The following DAB1 variants were observed in gnomAD, a reference collection of about 807,000 sequenced individuals.
DAB1 encodes the protein DAB adaptor protein 1.
In DAB1, 15 loss-of-function variants were observed where a neutral mutation model predicts 64.6. That is an observed-to-expected ratio of 0.23 (90% CI 0.16 to 0.36). The LOEUF (loss-of-function observed/expected upper bound fraction) is 0.36, where lower values mean the gene tolerates loss of function less well. Among genes scored for constraint, DAB1 ranks in the 10% least tolerant of loss-of-function variants. The probability of loss-of-function intolerance (pLI) is 1.00; values close to 1 mark genes in which losing one functional copy is unlikely to be tolerated. For missense variants in DAB1, 596 were observed against 706.7 expected, an observed-to-expected ratio of 0.84 and a Z score of 1.78; for synonymous variants, 235 against 251.9, an observed-to-expected ratio of 0.93 and a Z score of 0.64.
At chr1:57,478,217 G>A (rs2101228551) in intron 7 of DAB1, among the ~76,000 whole-genome samples, 1 of 152,236 alleles carries the variant, frequency 6.6e-6, no homozygotes, top group South Asian at 2.1e-4. Flanking sequence ...GCATTCAGTA[G>A]TTACAGAATT....
At chr1:57,716,352 A>G (rs1352565704) in intron 6 of DAB1, among the ~76,000 whole-genome samples, 1 of 152,264 alleles carries the variant, frequency 6.6e-6, no homozygotes, top group African/African-American at 2.4e-5. Context: ...TTACAAAACT[A>G]TAGTGCCAAA....
rs138936551 is a variant in DAB1 at position 57,292,239 on chromosome 1, C to T, written c.-136-1073G>A. 3.1e-3 allele frequency among the ~76,000 whole-genome samples: 474 copies of T among 152,276 alleles called. 2 individuals are homozygous for T. The highest frequency in any genetic ancestry group is 0.011 in the African/African-American group (462 of 41,580). ...ACCCCAACCTCTTAATCATGACAAT[C>T]TAGTTAATCTTAACCAGAAAGTCTA... On this transcript the variant is annotated intron_variant, in intron 1 of 14. Coordinates refer to ENST00000371236, the MANE Select transcript of DAB1 (RefSeq NM_001365792.1).
chr1:58,458,783 C>A lies in DAB1; in HGVS notation n.257+47277G>T, dbSNP rs145585133. Among the ~76,000 whole-genome samples the A allele has an allele frequency of 7.7e-4, 117 of 152,100 alleles. No homozygotes were observed. In the East Asian group the frequency reaches 0.02, roughly 26 times the overall value. ...TGAGCTGAGATTGTGCCACTGTACT[C>A]CAGCCTGGGTGACAGACAAAGATTC... On this transcript the variant is annotated intron_variant and non_coding_transcript_variant, in intron 3 of 20. Transcript: ENST00000485760.
intron 4 of DAB1, among the ~76,000 whole-genome samples, chr1:58,214,725 A>G (rs188881782): frequency 9.0e-4 from 137 of 152,326 alleles, no homozygotes; most frequent in Non-Finnish European, 1.3e-3. Context: ...TGTAGAAACA[A>G]TATTTTTGCA....
chr1:58,005,076 T>A (rs1028627494), intron 5 of DAB1, among the ~76,000 whole-genome samples: 1 of 149,536 alleles, frequency 6.7e-6, no homozygotes, highest in Non-Finnish European at 1.5e-5. Context: ...GTCCCTCTTT[T>A]TATTGATAAC....
chr1:57,352,398 C>A (rs1558221036), intron 1 of DAB1, among the ~76,000 whole-genome samples: 1 of 152,126 alleles, frequency 6.6e-6, no homozygotes. Context: ...TCTAAAACTA[C>A]TTTTACCCAA....
At chr1:57,777,668 GTTTCC>G (rs144761598) in intron 6 of DAB1, among the ~76,000 whole-genome samples, 2,735 of 151,972 alleles carry the variant, frequency 0.018, 45 homozygotes, top group Middle Eastern at 0.041. Context: ...TTAATGTTCA[GTTTCC>G]TTTAAGTCTA....
intron 5 of DAB1, among the ~76,000 whole-genome samples, chr1:58,036,016 C>G (rs1023159983): frequency 1.3e-5 from 2 of 152,158 alleles, no homozygotes; most frequent in Non-Finnish European, 2.9e-5. Flanking sequence ...TGTCTCCAAA[C>G]CCCACTTAGC....
At chr1:57,915,708 G>T (rs1644716633) in intron 5 of DAB1, among the ~76,000 whole-genome samples, 1 of 152,162 alleles carries the variant, frequency 6.6e-6, no homozygotes, top group Non-Finnish European at 1.5e-5. Flanking sequence ...TATATGAAAA[G>T]CTTGGATATG....
chr1:57,450,392 C>T (rs925094235), intron 7 of DAB1, among the ~76,000 whole-genome samples: 4 of 152,052 alleles, frequency 2.6e-5, no homozygotes, highest in Admixed American at 6.5e-5. Context: ...CAGTCCTTTG[C>T]GATATTTTTT....
intron 5 of DAB1, among the ~76,000 whole-genome samples, chr1:57,917,774 C>T (rs183125588): frequency 3.3e-4 from 50 of 152,288 alleles, no homozygotes; most frequent in African/African-American, 1.1e-3. Flanking sequence ...CTCTTCTTTC[C>T]CTTTTTAACT....
chr1:57,577,585 G>C (rs1404389), intron 7 of DAB1, among the ~76,000 whole-genome samples: 1 of 152,136 alleles, frequency 6.6e-6, no homozygotes. Context: ...CAGAGAGGTT[G>C]TAACACTTTC....
chr1:57,057,868 A>T (rs551817969), intron 9 of DAB1, among the ~76,000 whole-genome samples: 3 of 152,078 alleles, frequency 2.0e-5, no homozygotes, highest in African/African-American at 7.2e-5. Context: ...TTGGCCTCCC[A>T]AAGTGCTGGG....
chr1:58,021,509 T>C (rs1484755879), intron 5 of DAB1, among the ~76,000 whole-genome samples: 1 of 152,178 alleles, frequency 6.6e-6, no homozygotes, highest in Non-Finnish European at 1.5e-5. Flanking sequence ...CAGAAAGGGA[T>C]GTTTCCAAAA....
At chr1:57,213,252 C>T (rs1666170090) in intron 2 of DAB1, among the ~76,000 whole-genome samples, 1 of 152,196 alleles carries the variant, frequency 6.6e-6, no homozygotes, top group Non-Finnish European at 1.5e-5. Context: ...ATTATCATTT[C>T]AACATACAAC....
intron 7 of DAB1, among the ~76,000 whole-genome samples, chr1:57,641,379 G>GTTTTT (rs34105483): frequency 5.2e-3 from 569 of 109,832 alleles, no homozygotes; most frequent in Non-Finnish European, 6.9e-3. Context: ...TTTTTTGTTG[G>GTTTTT]TTTTTTTTTT....
intron 4 of DAB1, among the ~76,000 whole-genome samples, chr1:58,307,214 T>C (rs987406086): frequency 2.6e-5 from 4 of 152,224 alleles, no homozygotes; most frequent in African/African-American, 9.6e-5. Flanking sequence ...AGGCAATGTC[T>C]TAAAAGTAGC....
chr1:57,384,351 G>A (rs902384966), intron 1 of DAB1, among the ~76,000 whole-genome samples: 1 of 152,130 alleles, frequency 6.6e-6, no homozygotes, highest in Non-Finnish European at 1.5e-5. Context: ...CAGTATGACG[G>A]TTCCGCAAAA....
chr1:57,339,517 AT>A (rs1273626591), intron 1 of DAB1, among the ~76,000 whole-genome samples: 1 of 152,246 alleles, frequency 6.6e-6, no homozygotes, highest in Non-Finnish European at 1.5e-5. Context: ...AGTCTGTTAC[AT>A]TCCTATCACT....
Sources: allele counts gnomAD v4.1 joint callset (sites outside exome capture counted in the v4.1 genomes callset), GRCh38; gene constraint gnomAD v4.1.1; transcripts MANE v1.5; gene names NCBI Gene and HGNC (gene_info 2026-07-23, HGNC 2026-07-21).